The following TMEM17 variants were observed in gnomAD, a reference collection of about 807,000 sequenced individuals.
The protein encoded by TMEM17 is transmembrane protein 17.
Under a neutral mutation model 19.1 loss-of-function variants are expected in TMEM17, and 15 were observed. The ratio of observed to expected loss-of-function variants is 0.78; its 90% CI spans 0.52 to 1.21. TMEM17 has a LOEUF of 1.21. TMEM17 is among the 50% of genes most tolerant of loss of function. The probability of loss-of-function intolerance (pLI) is 0.00; values close to 1 mark genes in which losing one functional copy is unlikely to be tolerated. For missense variants in TMEM17, 245 were observed against 242.3 expected (o/e 1.01, Z -0.07); for synonymous variants, 103 against 86.9 (o/e 1.19, Z -1.03).
the TMEM17 span, among the ~76,000 whole-genome samples, chr2:62,487,875 G>A: frequency 6.6e-6 from 1 of 152,174 alleles, no homozygotes; most frequent in African/African-American, 2.4e-5. Flanking sequence ...TGTATTTTTA[G>A]TAGAGACGGA....
chr2:62,467,527 G>A, the TMEM17 span, among the ~76,000 whole-genome samples: 1 of 152,206 alleles, frequency 6.6e-6, no homozygotes, highest in Non-Finnish European at 1.5e-5. Flanking sequence ...CATAGAGATA[G>A]AGTGGGCTCT....
the TMEM17 span, among the ~76,000 whole-genome samples, chr2:62,466,754 T>C: frequency 6.6e-6 from 1 of 152,116 alleles, no homozygotes; most frequent in African/African-American, 2.4e-5. Context: ...ATCTCCCCTC[T>C]GAGAGGGGGA....
the TMEM17 span, among the ~76,000 whole-genome samples, chr2:62,481,705 G>GTGTT: frequency 2.5e-5 from 3 of 121,036 alleles, no homozygotes; most frequent in Non-Finnish European, 3.8e-5. Flanking sequence ...AAAGGTGTGT[G>GTGTT]TGTGTGTGTG....
At position 62,500,477 on chromosome 2, in the gene TMEM17, G is replaced by T. The variant is rs1679897973; in HGVS notation, c.*732C>A. Reference sequence around the variant, plus strand: ...ATTTATTTTTTTGAGATGGAGTCTTGCTCTGTCACCCAGGATGGAGTACAG... The same window carrying T: ...ATTTATTTTTTTGAGATGGAGTCTTTCTCTGTCACCCAGGATGGAGTACAG... On this transcript the variant is annotated 3_prime_UTR_variant, in exon 4 of 4. Transcript: ENST00000335390. 1 of 151,986 alleles carries T rather than the reference G, an allele frequency of 6.6e-6. No individual in the cohort carries two copies. Among genetic ancestry groups the T allele is most frequent in the African/African-American group, 2.4e-5 (1 of 41,374 alleles). The allele number at this position is 151,986 out of a possible 1,614,324, so 9.4% of individuals were successfully genotyped here.
chr2:62,464,160 C>CT, the TMEM17 span: 1 of 152,280 alleles, frequency 6.6e-6, no homozygotes, highest in African/African-American at 2.4e-5. Context: ...CACACTGGCC[C>CT]TTTGCCCTCA....
chr2:62,505,966 G>T, intron 1 of TMEM17, 64 bp downstream of exon 1: 2 of 1,441,584 alleles, frequency 1.4e-6, no homozygotes, highest in Non-Finnish European at 1.9e-6. Flanking sequence ...AATTCTGGAC[G>T]CTCCAAAATC....
chr2:62,464,006 T>A, the TMEM17 span: 1 of 152,206 alleles, frequency 6.6e-6, no homozygotes, highest in African/African-American at 2.4e-5. Context: ...CATCCCCTTT[T>A]CAGCTTCCCT....
chr2:62,489,052 C>T, the TMEM17 span, among the ~76,000 whole-genome samples: 1,008 of 152,202 alleles, frequency 6.6e-3, 11 homozygotes, highest in African/African-American at 0.023. Flanking sequence ...CACATATATC[C>T]CCTCAGGTAT....
At chr2:62,498,585 G>T (rs1344293466), downstream of TMEM17, among the ~76,000 whole-genome samples, 1 of 144,658 alleles carries the variant, frequency 6.9e-6, no homozygotes, top group Non-Finnish European at 1.5e-5. Context: ...GCGTGGTGGC[G>T]GGCGCCTGTA....
chr2:62,498,300 T>A (rs550569249), downstream of TMEM17, among the ~76,000 whole-genome samples: 19 of 151,204 alleles, frequency 1.3e-4, no homozygotes, highest in East Asian at 3.9e-4. Flanking sequence ...GGCAGGAGGA[T>A]CACTTGAACC....
At chr2:62,503,318 C>A (rs902865012) in intron 1 of TMEM17, among the ~76,000 whole-genome samples, 4 of 152,162 alleles carry the variant, frequency 2.6e-5, no homozygotes, top group African/African-American at 9.7e-5. Context: ...ATCAATACTT[C>A]CTTCATCAGT....
intron 3 of TMEM17, chr2:62,502,218 C>T: frequency 2.9e-6 from 1 of 347,386 alleles, no homozygotes; most frequent in Non-Finnish European, 5.3e-6. Context: ...TTAATCACAA[C>T]AAACCTGTGA....
At chr2:62,476,364 C>A in the TMEM17 span, among the ~76,000 whole-genome samples, 66 of 152,292 alleles carry the variant, frequency 4.3e-4, no homozygotes, top group African/African-American at 1.5e-3. Flanking sequence ...AGTCCCTCAG[C>A]CTTCCACTAC....
At chr2:62,499,609 G>A (rs555844477), downstream of TMEM17, among the ~76,000 whole-genome samples, 3 of 152,284 alleles carry the variant, frequency 2.0e-5, no homozygotes, top group East Asian at 5.8e-4. Context: ...GAAGAATCAA[G>A]AATGAGTGGG....
chr2:62,488,465 CT>C, the TMEM17 span, among the ~76,000 whole-genome samples: 10 of 137,428 alleles, frequency 7.3e-5, no homozygotes, highest in South Asian at 9.4e-4. Flanking sequence ...TATGGACAAA[CT>C]TTTTTTTTAA....
At position 62,502,695 on chromosome 2, in the gene TMEM17, A is replaced by G; in HGVS notation, c.200T>C (p.Met67Thr). ...AGTATTAAAGCTTAGATTTACCTTC[A>G]TGTGAAGCATCATAATGCTGCTCAC... Reference protein sequence around the residue: ...WWVSSIMMLHMKYSILPDYYK... With the variant: ...WWVSSIMMLHTKYSILPDYYK... Residue 67 changes from methionine to threonine, a missense_variant, in exon 2 of 4, where the codon ATG (methionine) becomes ACG (threonine). Coordinates refer to ENST00000335390, the MANE Select transcript of TMEM17 (RefSeq NM_198276.3). The G allele has an allele frequency of 6.3e-7, 1 of 1,594,578 alleles. No homozygotes were observed. The highest frequency in any genetic ancestry group is 8.5e-7 in the Non-Finnish European group (1 of 1,173,078).
At chr2:62,487,307 C>A in the TMEM17 span, among the ~76,000 whole-genome samples, 1 of 152,350 alleles carries the variant, frequency 6.6e-6, no homozygotes, top group East Asian at 1.9e-4. Context: ...TCTCACATCA[C>A]ATCACTCTGA....
At chr2:62,499,230 A>C (rs188744772), downstream of TMEM17, among the ~76,000 whole-genome samples, 2 of 152,248 alleles carry the variant, frequency 1.3e-5, no homozygotes, top group East Asian at 3.9e-4. Flanking sequence ...TTTGTTATTA[A>C]TCTCTTAATT....
the TMEM17 span, chr2:62,464,192 A>G: frequency 6.6e-6 from 1 of 152,254 alleles, no homozygotes; most frequent in Non-Finnish European, 1.5e-5. Flanking sequence ...CAGCTGCCCC[A>G]TGCGACGAGG....
Sources: gnomAD v4.1 joint callset for allele counts (sites outside exome capture counted in the v4.1 genomes callset) on GRCh38, gnomAD v4.1.1 for gene constraint, MANE v1.5 for transcripts, NCBI Gene and HGNC (gene_info 2026-07-23, HGNC 2026-07-21) for gene names.